NECAB3: variants seen among roughly 807,000 people sequenced by gnomAD.
The protein encoded by NECAB3 is N-terminal EF-hand calcium-binding protein 3.
A neutral mutation model predicts 57.2 loss-of-function variants in NECAB3; 38 were observed. That is an observed-to-expected ratio of 0.66 (90% confidence interval 0.51 to 0.87). NECAB3 has a LOEUF of 0.87. NECAB3 is among the 40% of genes least tolerant of loss of function. The pLI is 0.00. For synonymous variants in NECAB3, 223 were observed against 222.6 expected, an observed-to-expected ratio of 1.00 and a Z score of -0.02; for missense variants, 474 against 527.5, an observed-to-expected ratio of 0.90 and a Z score of 0.99.
intron 3 of NECAB3, 92 bp downstream of exon 3, chr20:33,670,592 T>G (rs2017808726): frequency 1.1e-6 from 1 of 897,932 alleles, no homozygotes; most frequent in Non-Finnish European, 1.7e-6. Context: ...CCCCTCTTCC[T>G]CATCCTACAA....
intron 5 of NECAB3, chr20:33,663,448 T>G: frequency 7.0e-7 from 1 of 1,434,408 alleles, no homozygotes. Flanking sequence ...TGGACGAGGG[T>G]CCCAGGAGAA....
At position 33,674,344 on chromosome 20, in the gene NECAB3, G is replaced by A. The variant is rs1465502785; in HGVS notation, c.9C>T (p.Cys3=). ...GCAGGCACACGGTGAGCAGCCCCGC[G>A]CACGCCATGGCGCCGCCACCCGCTC... MA[C]AGLLTVCLLR... Residue 3 remains cysteine, a synonymous_variant, in exon 1 of 12, where the codon TGC becomes TGT. Transcript: ENST00000246190. 2.5e-6 allele frequency: 3 copies of A among 1,195,922 alleles called. No homozygotes were observed. Among genetic ancestry groups the A allele is most frequent in the African/African-American group, 3.2e-5 (2 of 62,878 alleles). 74.1% of individuals were successfully genotyped at this position (1,195,922 alleles called of 1,614,324 possible).
chr20:33,658,061 C>T (rs1483816591), intron 10 of NECAB3, 28 bp from the exon 11 acceptor site: 4 of 1,540,564 alleles, frequency 2.6e-6, no homozygotes, highest in Admixed American at 2.0e-5. Context: ...ACAGTGACCT[C>T]GCTCTCCCCA....
intron 5 of NECAB3, among the ~76,000 whole-genome samples, chr20:33,663,074 G>A (rs146455111): frequency 5.3e-4 from 80 of 152,318 alleles, no homozygotes; most frequent in Middle Eastern, 6.8e-3. Context: ...ATCCCAACAC[G>A]GAGAATCAGT....
At chr20:33,659,193 C>T (rs2017376969) in intron 8 of NECAB3, among the ~76,000 whole-genome samples, 1 of 152,182 alleles carries the variant, frequency 6.6e-6, no homozygotes, top group South Asian at 2.1e-4. Context: ...CTCCCTGTCT[C>T]CAAGGGTGCT....
At position 33,657,550 on chromosome 20, in the gene NECAB3, G is replaced by A. The variant is rs1601145649; in HGVS notation, c.*279C>T. ...GGACCTGCCCTGGGTCGCTCAGCCA[G>A]GCAGGGACAGCAGGGACCAGAATCC... is the stretch of plus-strand genomic sequence containing the variant. On this transcript the variant is annotated 3_prime_UTR_variant, in exon 12 of 12. Coordinates refer to ENST00000246190, the MANE Select transcript of NECAB3 (RefSeq NM_031232.4). The A allele has an allele frequency of 2.5e-6, 1 of 398,494 alleles. No homozygotes were observed. Among genetic ancestry groups the A allele is most frequent in the East Asian group, 3.8e-5 (1 of 26,306 alleles). The allele number at this position is 398,494 out of a possible 1,614,324, so 24.7% of individuals were successfully genotyped here. A position where few individuals can be genotyped will look rare whatever the true frequency, so the allele number is the denominator to read the frequency against.
chr20:33,667,344 G>A (rs1037524586), intron 5 of NECAB3: 82 of 1,009,004 alleles, frequency 8.1e-5, no homozygotes, highest in Non-Finnish European at 1.0e-4. Context: ...GGGAGGCGCT[G>A]GAAGGGCTGT....
chr20:33,672,418 A>G lies in NECAB3; in HGVS notation c.134T>C (p.Phe45Ser). 1 of 1,614,166 alleles carries G rather than the reference A, an allele frequency of 6.2e-7. No homozygotes were observed. The highest frequency in any genetic ancestry group is 8.5e-7 in the Non-Finnish European group (1 of 1,180,016). The change falls in exon 2 of 12, where the codon TTC (phenylalanine) becomes TCC (serine). Residue 45 changes from phenylalanine (F) to serine (S), a missense_variant. Phe to Ser is a radical substitution (Grantham distance 155). Coordinates refer to ENST00000246190, the MANE Select transcript of NECAB3 (RefSeq NM_031232.4). Reference protein sequence around the residue: ...PAGHTLFQDVFRRADKNDDGK... With the variant: ...PAGHTLFQDVSRRADKNDDGK... ...CTCACCATTCTTGTCTGCTCTGCGGAAAACCTAGAGGACAAAGGGACATAG... is the reference window on the plus strand; with the variant it reads ...CTCACCATTCTTGTCTGCTCTGCGGGAAACCTAGAGGACAAAGGGACATAG...
intron 5 of NECAB3, chr20:33,662,300 G>A (rs1283093220): frequency 6.5e-7 from 1 of 1,547,428 alleles, no homozygotes; most frequent in South Asian, 1.2e-5. Context: ...AGGGGGCAGA[G>A]CAGACGGAGT....
intron 7 of NECAB3, 31 bp from the exon 8 acceptor site, chr20:33,659,763 G>T: frequency 6.4e-7 from 1 of 1,556,620 alleles, no homozygotes; most frequent in East Asian, 2.4e-5. Context: ...GGGTCAGGCA[G>T]GGGCCTCTCA....
At chr20:33,674,150 GAAC>G in intron 1 of NECAB3, 71 bp downstream of exon 1, 1 of 1,215,816 alleles carries the variant, frequency 8.2e-7, no homozygotes, top group Non-Finnish European at 1.0e-6. Context: ...GGCGGGGCCC[GAAC>G]AACCCCGGAG....
rs760396777 is a variant in NECAB3 at position 33,659,543 on chromosome 20, C to T, written c.833G>A (p.Arg278Gln). The change falls in exon 8 of 12, where the codon CGG (arginine) becomes CAG (glutamine). Residue 278 changes from arginine to glutamine, a missense_variant. Transcript: ENST00000246190. ...GTCCTCTTCACGCAGGGGTTCCAGCCGGGGGGCCTGTGAGGGCACAGAGTG... is the reference window on the plus strand; with the variant it reads ...GTCCTCTTCACGCAGGGGTTCCAGCTGGGGGGCCTGTGAGGGCACAGAGTG... ...GPHSVPSQAP[R>Q]LEPLREEDLA... 1.2e-5 allele frequency: 18 copies of T among 1,551,962 alleles called. No homozygotes were observed. Among genetic ancestry groups the T allele is most frequent in the South Asian group, 2.3e-5 (2 of 85,220 alleles).
intron 5 of NECAB3, chr20:33,662,145 GATC>G: frequency 1.6e-6 from 1 of 624,414 alleles, no homozygotes; most frequent in Non-Finnish European, 2.7e-6. Context: ...CCTCATTTAT[GATC>G]ATTAGCCCAG....
chr20:33,659,793 A>G, intron 7 of NECAB3, 61 bp from the exon 8 acceptor site: 4 of 1,533,770 alleles, frequency 2.6e-6, no homozygotes, highest in Non-Finnish European at 3.5e-6. Flanking sequence ...GGTGCTCAGA[A>G]TGAAGTGAGG....
At chr20:33,662,936 C>T (rs1334585944) in intron 5 of NECAB3, among the ~76,000 whole-genome samples, 1 of 152,148 alleles carries the variant, frequency 6.6e-6, no homozygotes, top group Non-Finnish European at 1.5e-5. Context: ...CTGTTTGACT[C>T]AGTCTTAAAC....
intron 2 of NECAB3, among the ~76,000 whole-genome samples, chr20:33,671,556 G>A (rs1476078554): frequency 1.3e-5 from 2 of 152,136 alleles, no homozygotes; most frequent in Admixed American, 6.5e-5. Flanking sequence ...CCGTCTCTAG[G>A]AGGATGAAAC....
chr20:33,659,854 G>C, intron 7 of NECAB3, 31 bp downstream of exon 7: 1 of 1,538,758 alleles, frequency 6.5e-7, no homozygotes, highest in Non-Finnish European at 8.7e-7. Flanking sequence ...TGCCTGCCTC[G>C]GCCAGGCCTC....
At chr20:33,663,898 G>A in intron 5 of NECAB3, 4 of 1,370,840 alleles carry the variant, frequency 2.9e-6, no homozygotes, top group South Asian at 1.7e-5. Flanking sequence ...CCAATAAAGA[G>A]TGCGTGGCAA....
chr20:33,662,120 A>T, intron 5 of NECAB3: 1 of 520,014 alleles, frequency 1.9e-6, no homozygotes, highest in South Asian at 2.6e-5. Context: ...ACCACTAAGC[A>T]CCTTACATGC....
Sources: allele counts gnomAD v4.1 joint callset (sites outside exome capture counted in the v4.1 genomes callset), GRCh38; gene constraint gnomAD v4.1.1; transcripts MANE v1.5; gene names NCBI Gene and HGNC (gene_info 2026-07-23, HGNC 2026-07-21).